PEX7: variants seen among roughly 807,000 people sequenced by gnomAD.
The protein encoded by PEX7 is peroxisomal biogenesis factor 7.
A neutral mutation model predicts 47.5 loss-of-function variants in PEX7; 34 were observed. The ratio of observed to expected loss-of-function variants is 0.72; its 90% CI spans 0.54 to 0.95. The LOEUF (loss-of-function observed/expected upper bound fraction) is 0.95, where lower values mean the gene tolerates loss of function less well. Ranked by LOEUF, PEX7 falls within the 40% of genes least tolerant of loss-of-function variation. PEX7 has a pLI of 0.00. For synonymous variants in PEX7, 141 were observed against 148.8 expected (o/e 0.95, Z 0.38); for missense variants, 394 against 400.3 (o/e 0.98, Z 0.13).
At chr6:136,837,540 G>C (rs1271080064) in intron 3 of PEX7, among the ~76,000 whole-genome samples, 3 of 152,096 alleles carry the variant, frequency 2.0e-5, no homozygotes, top group Non-Finnish European at 4.4e-5. Context: ...TTTAGAAGCA[G>C]TGACAACTGA....
At chr6:136,909,589 T>C (rs928448462) in intron 9 of PEX7, among the ~76,000 whole-genome samples, 1 of 152,222 alleles carries the variant, frequency 6.6e-6, no homozygotes, top group Admixed American at 6.5e-5. Flanking sequence ...GTAAAGTGCT[T>C]TTTTCTTACC....
chr6:136,863,266 C>T (rs987580444), intron 5 of PEX7, among the ~76,000 whole-genome samples: 2 of 152,202 alleles, frequency 1.3e-5, no homozygotes, highest in African/African-American at 2.4e-5. Flanking sequence ...ATCCCAAGTA[C>T]CCCCATTTGG....
intron 5 of PEX7, among the ~76,000 whole-genome samples, chr6:136,863,595 T>G (rs1296843027): frequency 6.6e-6 from 1 of 151,914 alleles, no homozygotes; most frequent in Non-Finnish European, 1.5e-5. Context: ...TAATAGAAAT[T>G]TTTCTCCGAT....
At chr6:136,844,372 G>GAA (rs71009512) in intron 3 of PEX7, among the ~76,000 whole-genome samples, 9 of 148,102 alleles carry the variant, frequency 6.1e-5, no homozygotes, top group Admixed American at 4.7e-4. Flanking sequence ...CCCTGTTTTG[G>GAA]AAAAAAAAAA....
intron 9 of PEX7, among the ~76,000 whole-genome samples, chr6:136,899,342 A>G (rs1211838721): frequency 6.6e-6 from 1 of 151,976 alleles, no homozygotes; most frequent in Non-Finnish European, 1.5e-5. Context: ...TCCCGGATTC[A>G]AGTGATTCTC....
At chr6:136,870,050 T>A in intron 7 of PEX7, 47 bp downstream of exon 7, 1 of 1,160,706 alleles carries the variant, frequency 8.6e-7, no homozygotes, top group Non-Finnish European at 1.3e-6. Context: ...ATTATATAAA[T>A]ATAATCAATG....
intron 9 of PEX7, among the ~76,000 whole-genome samples, chr6:136,899,323 A>G (rs769193853): frequency 2.0e-5 from 3 of 151,926 alleles, no homozygotes; most frequent in African/African-American, 7.3e-5. Context: ...GCTCACTGCA[A>G]CCTTCGCCTC....
chr6:136,832,158 A>C (rs1046784487), intron 3 of PEX7, among the ~76,000 whole-genome samples: 1 of 152,170 alleles, frequency 6.6e-6, no homozygotes, highest in Admixed American at 6.5e-5. Flanking sequence ...TGGAGGTTAA[A>C]CTCTTGTCTT....
chr6:136,835,844 C>T (rs879765824), intron 3 of PEX7, among the ~76,000 whole-genome samples: 1 of 152,088 alleles, frequency 6.6e-6, no homozygotes, highest in South Asian at 2.1e-4. Context: ...AATCATTATT[C>T]CCAACCCATT....
intron 8 of PEX7, among the ~76,000 whole-genome samples, chr6:136,890,549 G>A (rs1457673071): frequency 2.6e-5 from 4 of 151,690 alleles, no homozygotes; most frequent in Non-Finnish European, 4.4e-5. Flanking sequence ...TCTCTTTGTC[G>A]GTGTCTGTCT....
intron 9 of PEX7, among the ~76,000 whole-genome samples, chr6:136,908,728 G>C (rs1775884254): frequency 6.6e-6 from 1 of 152,136 alleles, no homozygotes; most frequent in Non-Finnish European, 1.5e-5. Flanking sequence ...GAAAAAAACT[G>C]CCTCTCGAAA....
intron 5 of PEX7, among the ~76,000 whole-genome samples, chr6:136,850,569 C>T (rs1419348183): frequency 6.6e-6 from 1 of 152,164 alleles, no homozygotes; most frequent in Non-Finnish European, 1.5e-5. Context: ...GTTCAGATTA[C>T]TTTTCAATGA....
At chr6:136,848,488 G>T (rs1232697524) in intron 5 of PEX7, among the ~76,000 whole-genome samples, 3 of 152,138 alleles carry the variant, frequency 2.0e-5, no homozygotes, top group Non-Finnish European at 4.4e-5. Flanking sequence ...CTGTGGGTTT[G>T]TCATAAATAG....
intron 3 of PEX7, among the ~76,000 whole-genome samples, chr6:136,836,469 A>G (rs1029967713): frequency 6.6e-6 from 1 of 152,150 alleles, no homozygotes; most frequent in Non-Finnish European, 1.5e-5. Flanking sequence ...GAAATGTTTT[A>G]TGTAATTAAG....
At chr6:136,907,885 C>T (rs1775870914) in intron 9 of PEX7, among the ~76,000 whole-genome samples, 1 of 152,116 alleles carries the variant, frequency 6.6e-6, no homozygotes, top group South Asian at 2.1e-4. Flanking sequence ...CTAAAATCCA[C>T]ATTTATGGGA....
intron 8 of PEX7, among the ~76,000 whole-genome samples, chr6:136,888,015 T>C (rs371438205): frequency 3.3e-5 from 5 of 152,074 alleles, no homozygotes; most frequent in African/African-American, 9.7e-5. Flanking sequence ...TGATGGGCTT[T>C]TTTGATCCTT....
chr6:136,892,207 G>T (rs1372656667), intron 8 of PEX7, among the ~76,000 whole-genome samples: 1 of 152,148 alleles, frequency 6.6e-6, no homozygotes, highest in African/African-American at 2.4e-5. Context: ...GATTTTTATT[G>T]TAAGTGGCTG....
At chr6:136,882,608 G>C (rs7750251) in intron 8 of PEX7, among the ~76,000 whole-genome samples, 7 of 151,830 alleles carry the variant, frequency 4.6e-5, no homozygotes, top group African/African-American at 1.7e-4. Context: ...TTTCTAAGCT[G>C]GGCCTGCAGA....
At chr6:136,830,070 A>G (rs1273279639) in intron 3 of PEX7, 2 of 715,658 alleles carry the variant, frequency 2.8e-6, no homozygotes, top group Non-Finnish European at 5.2e-6. Flanking sequence ...CTTCTGTGGA[A>G]GAGAGTATAT....
Sources: gnomAD v4.1 joint callset for allele counts (sites outside exome capture counted in the v4.1 genomes callset) on GRCh38, gnomAD v4.1.1 for gene constraint, MANE v1.5 for transcripts, NCBI Gene and HGNC (gene_info 2026-07-23, HGNC 2026-07-21) for gene names.